The following SLAMF1 variants were observed in gnomAD, a reference collection of about 807,000 sequenced individuals.
The protein encoded by SLAMF1 is signaling lymphocytic activation molecule.
A neutral mutation model predicts 35.1 loss-of-function variants in SLAMF1; 18 were observed. The observed-to-expected ratio is 0.51, with a 90% CI of 0.35 to 0.76. The LOEUF (loss-of-function observed/expected upper bound fraction) is 0.76. Ranked by LOEUF, SLAMF1 falls within the 30% of genes least tolerant of loss-of-function variation. The pLI is 0.01. For synonymous variants in SLAMF1, 168 were observed against 157.2 expected (o/e 1.07, Z -0.51); for missense variants, 392 against 413.0 (o/e 0.95, Z 0.44).
At chr1:160,624,267 G>A in intron 3 of SLAMF1, 82 bp from the exon 4 acceptor site, 2 of 972,480 alleles carry the variant, frequency 2.1e-6, no homozygotes, top group South Asian at 1.4e-5. Context: ...GGATAATGGA[G>A]CCTCATGTTC....
chr1:160,646,586 C>G (rs1263620472), intron 1 of SLAMF1, among the ~76,000 whole-genome samples: 1 of 152,226 alleles, frequency 6.6e-6, no homozygotes. Flanking sequence ...CTACCAGGGC[C>G]TGTCACCCTA....
intron 3 of SLAMF1, among the ~76,000 whole-genome samples, chr1:160,627,108 T>C (rs753724505): frequency 1.3e-5 from 2 of 152,222 alleles, no homozygotes; most frequent in Non-Finnish European, 2.9e-5. Flanking sequence ...AAATTCTGGG[T>C]CTACCACTTG....
Position 160,638,731 on chromosome 1 carries a change from A to G in SLAMF1, c.77-1202T>C, listed in dbSNP as rs149685245. 6.0e-3 allele frequency among the ~76,000 whole-genome samples: 913 copies of G among 152,132 alleles called. 8 individuals carry two copies. Among genetic ancestry groups the G allele is most frequent in the South Asian group, 9.4e-3 (45 of 4,812 alleles). On this transcript the variant is annotated intron_variant, in intron 1 of 6. Coordinates refer to ENST00000302035, the MANE Select transcript of SLAMF1 (RefSeq NM_003037.5). ...CTTTGTCAAGGTCACTGTCTACTCC[A>G]CTAAGCCAAGTCAAAGTTCTTATCT...
chr1:160,645,447 C>T (rs567101340), intron 1 of SLAMF1, among the ~76,000 whole-genome samples: 17 of 152,326 alleles, frequency 1.1e-4, no homozygotes, highest in East Asian at 9.6e-4. Context: ...TCTCCCTGAC[C>T]GGCGACTTCC....
At chr1:160,634,013 A>G (rs1660298064) in intron 3 of SLAMF1, among the ~76,000 whole-genome samples, 1 of 152,158 alleles carries the variant, frequency 6.6e-6, no homozygotes. Context: ...TTTTCCTCAA[A>G]CTTCACAGTC....
intron 5 of SLAMF1, among the ~76,000 whole-genome samples, chr1:160,617,037 T>C (rs568271431): frequency 6.6e-6 from 1 of 152,010 alleles, no homozygotes; most frequent in Admixed American, 6.5e-5. Flanking sequence ...GTACCTGTAA[T>C]CCCAGCTGCT....
intron 1 of SLAMF1, among the ~76,000 whole-genome samples, chr1:160,643,682 C>T (rs1355875435): frequency 1.3e-5 from 2 of 152,212 alleles, no homozygotes; most frequent in Non-Finnish European, 2.9e-5. Context: ...CTGTCTGATA[C>T]ACTCACATGT....
rs192350348 is a variant in SLAMF1 at position 160,621,687 on chromosome 1, G to A, written c.791-1838C>T. 2.0e-5 allele frequency among the ~76,000 whole-genome samples: 3 copies of A among 152,226 alleles called. No homozygotes were observed. The East Asian group carries it at 5.8e-4, about 29-fold the overall frequency. On this transcript the variant is annotated intron_variant, in intron 4 of 6. Coordinates refer to ENST00000302035, the MANE Select transcript of SLAMF1 (RefSeq NM_003037.5). ...GCATGGTGGAATGTGCTGCGTGAGG[G>A]TGTGAGTCTTGGGGAGGAAATGTGG... is the stretch of plus-strand genomic sequence containing the variant.
In SLAMF1 at chr1:160,608,528, G is replaced by C. The variant is rs1306637154; in HGVS notation, c.*2220C>G. 1 of 152,282 alleles carries C rather than the reference G, an allele frequency of 6.6e-6. No individual in the cohort carries two copies. The highest frequency in any genetic ancestry group is 2.4e-5 in the African/African-American group (1 of 41,454). The allele number at this position is 152,282 out of a possible 1,614,324, so 9.4% of individuals were successfully genotyped here. A position where few individuals can be genotyped will look rare whatever the true frequency, so the allele number is the denominator to read the frequency against. The stretch of plus-strand genomic sequence containing the variant: ...CACGTGTAACCATGGTCTAGGGTGA[G>C]AGGCATAATGCCAGTGCTGTTTGGT... On this transcript the variant is annotated 3_prime_UTR_variant, in exon 7 of 7. Transcript: ENST00000302035.
chr1:160,610,899 G>T, intron 6 of SLAMF1, 101 bp from the exon 7 acceptor site: 1 of 942,994 alleles, frequency 1.1e-6, no homozygotes, highest in Non-Finnish European at 1.7e-6. Context: ...GGGTCTTAGA[G>T]ATCATGGCTT....
chr1:160,635,004 C>T (rs1054036463), intron 2 of SLAMF1, 107 bp from the exon 3 acceptor site: 1 of 947,184 alleles, frequency 1.1e-6, no homozygotes. Flanking sequence ...TTTCCCTCCC[C>T]CTCAATGTGA....
At chr1:160,612,410 T>C in intron 6 of SLAMF1, 78 bp downstream of exon 6, 1 of 780,078 alleles carries the variant, frequency 1.3e-6, no homozygotes, top group Non-Finnish European at 2.0e-6. Flanking sequence ...CTTCCCACCT[T>C]AAAAAAAAAA....
intron 2 of SLAMF1, among the ~76,000 whole-genome samples, chr1:160,635,738 A>ATT (rs33918009): frequency 0.063 from 9,120 of 144,272 alleles, 368 homozygotes; most frequent in South Asian, 0.17. Context: ...TGCTGAGCTA[A>ATT]TTTTTTTTTT....
intron 1 of SLAMF1, among the ~76,000 whole-genome samples, chr1:160,643,288 G>T (rs1660854451): frequency 6.6e-6 from 1 of 152,058 alleles, no homozygotes; most frequent in Non-Finnish European, 1.5e-5. Context: ...GCAAGTCCTG[G>T]GACTTGACTC....
chr1:160,639,251 A>G (rs1660616919), intron 1 of SLAMF1, among the ~76,000 whole-genome samples: 1 of 151,308 alleles, frequency 6.6e-6, no homozygotes, highest in Admixed American at 6.6e-5. Context: ...TGTGAGATGG[A>G]GTCTTGTGCT....
At chr1:160,620,127 G>A (rs1163103303) in intron 4 of SLAMF1, among the ~76,000 whole-genome samples, 1 of 152,202 alleles carries the variant, frequency 6.6e-6, no homozygotes, top group Non-Finnish European at 1.5e-5. Context: ...TTAGAACACT[G>A]CCTGGTGCAT....
intron 2 of SLAMF1, 63 bp downstream of exon 2, chr1:160,637,128 A>G (rs745314258): frequency 8.8e-7 from 1 of 1,130,698 alleles, no homozygotes; most frequent in Non-Finnish European, 1.3e-6. Flanking sequence ...AGAGAGACCT[A>G]AATTCTTGGT....
At chr1:160,635,779 C>T (rs944034263) in intron 2 of SLAMF1, among the ~76,000 whole-genome samples, 7 of 151,134 alleles carry the variant, frequency 4.6e-5, no homozygotes, top group Admixed American at 4.0e-4. Flanking sequence ...TGGGGTTTCA[C>T]CACCATAGCC....
In SLAMF1 at chr1:160,635,653, G is replaced by A. The variant is rs1264957208; in HGVS notation, c.416-756C>T. 1.2e-4 allele frequency among the ~76,000 whole-genome samples: 18 copies of A among 148,418 alleles called. No individual in the cohort carries two copies. In the Admixed American group the frequency reaches 1.2e-3, roughly 10 times the overall value. On this transcript the variant is annotated intron_variant, in intron 2 of 6. Transcript: ENST00000302035. ...GTGGCACAATCTCAGCTCACTGCAA[G>A]CTCCACCTCCTGGGTTCACGCCATT...
Sources: allele counts gnomAD v4.1 joint callset (sites outside exome capture counted in the v4.1 genomes callset), GRCh38; gene constraint gnomAD v4.1.1; transcripts MANE v1.5; gene names NCBI Gene and HGNC (gene_info 2026-07-23, HGNC 2026-07-21).